The following KANSL1 variants were observed in gnomAD, a reference collection of about 807,000 sequenced individuals.
KANSL1 encodes MLL1/MLL complex subunit KANSL1.
Under a neutral mutation model 103.6 loss-of-function variants are expected in KANSL1, and 22 were observed. The ratio of observed to expected loss-of-function variants is 0.21; its 90% CI spans 0.15 to 0.30. KANSL1 has a LOEUF of 0.30. KANSL1 is among the 10% of genes least tolerant of loss of function. The probability of loss-of-function intolerance (pLI) is 1.00; values close to 1 mark genes in which losing one functional copy is unlikely to be tolerated. For missense variants in KANSL1, 1,337 were observed against 1,399.8 expected, an observed-to-expected ratio of 0.96 and a Z score of 0.72; for synonymous variants, 600 against 527.6, an observed-to-expected ratio of 1.14 and a Z score of -1.88.
In KANSL1 at chr17:46,171,499, A is replaced by G; in HGVS notation, c.645T>C (p.Leu215=). The G allele has an allele frequency of 6.2e-7, 1 of 1,614,094 alleles. No homozygotes were observed. The highest frequency in any genetic ancestry group is 8.5e-7 in the Non-Finnish European group (1 of 1,180,008). Reference sequence around the variant, plus strand: ...TATACAAAGTTGTGTGTTCTACATCAAGGCTTCTATGTGGAAGAGTGCAAT... The same window carrying G: ...TATACAAAGTTGTGTGTTCTACATCGAGGCTTCTATGTGGAAGAGTGCAAT... The part of the protein sequence containing the change: ...MTNCTLPHRS[L]DVEHTTLYSN... The change falls in exon 2 of 15, where the codon CTT becomes CTC. Residue 215 remains leucine (L), a synonymous_variant. Transcript: ENST00000432791.
chr17:46,141,444 C>G (rs2044416317), intron 2 of KANSL1, among the ~76,000 whole-genome samples: 1 of 152,204 alleles, frequency 6.6e-6, no homozygotes, highest in African/African-American at 2.4e-5. Context: ...ACTGGGGGAG[C>G]ATAGGGGCTG....
At chr17:46,191,617 A>G (rs181765682) in intron 1 of KANSL1, among the ~76,000 whole-genome samples, 11 of 152,392 alleles carry the variant, frequency 7.2e-5, no homozygotes, top group Admixed American at 4.6e-4. Flanking sequence ...CAAGGCAAAG[A>G]TTATGTAATT....
intron 2 of KANSL1, among the ~76,000 whole-genome samples, chr17:46,158,168 C>T (rs1270254182): frequency 6.6e-6 from 1 of 152,248 alleles, no homozygotes; most frequent in African/African-American, 2.4e-5. Flanking sequence ...GCAAAAAGCA[C>T]TAAGTACCTT....
At chr17:46,219,879 G>A (rs1478551562) in intron 1 of KANSL1, among the ~76,000 whole-genome samples, 13 of 152,280 alleles carry the variant, frequency 8.5e-5, no homozygotes, top group South Asian at 4.1e-4. Flanking sequence ...CGAGTTGGGC[G>A]GATCATGAGG....
chr17:46,143,551 T>C (rs1260530250), intron 2 of KANSL1, among the ~76,000 whole-genome samples: 2 of 151,024 alleles, frequency 1.3e-5, no homozygotes, highest in African/African-American at 4.9e-5. Flanking sequence ...ACGCCTGTAA[T>C]CCCAGCACTT....
chr17:46,116,071 TAA>T (rs764505858), intron 2 of KANSL1, among the ~76,000 whole-genome samples: 4 of 152,210 alleles, frequency 2.6e-5, no homozygotes, highest in Non-Finnish European at 5.9e-5. Flanking sequence ...AAGCCTCTTA[TAA>T]ATAAGTCAAC....
upstream of KANSL1, among the ~76,000 whole-genome samples, chr17:46,194,659 G>A (rs1443807093): frequency 6.6e-6 from 1 of 152,154 alleles, no homozygotes; most frequent in Non-Finnish European, 1.5e-5. Flanking sequence ...AGAAAAAATC[G>A]TTCAAATCAT....
At chr17:46,140,022 A>G (rs1277316005) in intron 2 of KANSL1, among the ~76,000 whole-genome samples, 1 of 152,224 alleles carries the variant, frequency 6.6e-6, no homozygotes, top group Non-Finnish European at 1.5e-5. Context: ...ATAAAATTTC[A>G]AAGTATTAAA....
chr17:46,046,526 G>C (rs2077510363), intron 7 of KANSL1, among the ~76,000 whole-genome samples: 1 of 38,038 alleles, frequency 2.6e-5, no homozygotes, highest in Non-Finnish European at 5.0e-5. Context: ...GTGAGACTCT[G>C]TCAAAAAAAA....
At chr17:46,138,358 C>T (rs974138771) in intron 2 of KANSL1, among the ~76,000 whole-genome samples, 2 of 152,194 alleles carry the variant, frequency 1.3e-5, no homozygotes, top group South Asian at 2.1e-4. Context: ...TTTTTCTTCT[C>T]ATTATTCCCT....
Position 46,031,473 on chromosome 17 carries a change from C to G in KANSL1, c.*3G>C, listed in dbSNP as rs372125138. The stretch of plus-strand genomic sequence containing the variant: ...TGAGTCTGTTTAGATGGCTGTCTCC[C>G]GCTCATCTGTGAGTCGGGCGCTGAG... On this transcript the variant is annotated 3_prime_UTR_variant, in exon 15 of 15. Transcript: ENST00000432791. 7 of 1,596,796 alleles carry G rather than the reference C, an allele frequency of 4.4e-6. No individual in the cohort carries two copies. In the South Asian group the frequency reaches 5.6e-5, roughly 13 times the overall value.
chr17:46,124,954 A>G (rs1327109802), intron 2 of KANSL1, among the ~76,000 whole-genome samples: 7 of 151,020 alleles, frequency 4.6e-5, no homozygotes, highest in African/African-American at 1.5e-4. Flanking sequence ...AAACAGCAAG[A>G]TAACTAGAAT....
chr17:46,067,437 A>T (rs1420540159), intron 5 of KANSL1, 112 bp downstream of exon 5: 2 of 725,714 alleles, frequency 2.8e-6, no homozygotes, highest in Non-Finnish European at 4.9e-6. Flanking sequence ...TTACTAAGTG[A>T]TAAGGCTTCC....
intron 1 of KANSL1, among the ~76,000 whole-genome samples, chr17:46,202,793 A>G (rs867970907): frequency 2.0e-5 from 3 of 152,282 alleles, no homozygotes; most frequent in South Asian, 2.1e-4. Context: ...ATAATATTCA[A>G]TATTTTCCAC....
chr17:46,148,744 G>A (rs2044880524), intron 2 of KANSL1, among the ~76,000 whole-genome samples: 1 of 151,746 alleles, frequency 6.6e-6, no homozygotes, highest in Non-Finnish European at 1.5e-5. Flanking sequence ...ACCATGCCTT[G>A]CTAATTTTTT....
intron 1 of KANSL1, among the ~76,000 whole-genome samples, chr17:46,213,516 G>T (rs2048235892): frequency 1.4e-5 from 2 of 144,478 alleles, no homozygotes; most frequent in Admixed American, 1.4e-4. Context: ...CACCATGTTA[G>T]CCAGGATGGT....
At chr17:46,157,250 A>G (rs2045481118) in intron 2 of KANSL1, among the ~76,000 whole-genome samples, 1 of 152,244 alleles carries the variant, frequency 6.6e-6, no homozygotes, top group Non-Finnish European at 1.5e-5. Context: ...ACTACTTATT[A>G]AAGGAACAAA....
At position 46,038,578 on chromosome 17, in the gene KANSL1, G is replaced by T; in HGVS notation, c.2501C>A (p.Ala834Glu). Residue 834 changes from alanine (A) to glutamate (E), a missense_variant, in exon 10 of 15, where the codon GCA (alanine) becomes GAA (glutamate). Ala to Glu is a moderately radical substitution (Grantham distance 107). This residue lies in a region of KANSL1 where 780 missense variants were observed against 923.4 expected (regional missense o/e 0.84). Coordinates refer to ENST00000432791, the MANE Select transcript of KANSL1 (RefSeq NM_015443.4). ...RQLSTSSDSP[A>E]PASSSSQVTA... ...AACCTGTGAGCTAGAGCTGGCGGGT[G>T]CAGGGGAATCTGAGGAGGTGGAGAG... The T allele has an allele frequency of 6.2e-7, 1 of 1,614,144 alleles. No homozygotes were observed. The highest frequency in any genetic ancestry group is 8.5e-7 in the Non-Finnish European group (1 of 1,180,028).
At chr17:46,181,434 T>TA (rs1317717193) in intron 1 of KANSL1, among the ~76,000 whole-genome samples, 1 of 136,954 alleles carries the variant, frequency 7.3e-6, no homozygotes, top group East Asian at 2.0e-4. Context: ...TTCCTCACAC[T>TA]TTTTTTTTTT....
Sources: gnomAD v4.1 joint callset for allele counts (sites outside exome capture counted in the v4.1 genomes callset) on GRCh38, gnomAD v4.1.1 for gene constraint, gnomAD v4.1.1 regional missense constraint, MANE v1.5 for transcripts, NCBI Gene and HGNC (gene_info 2026-07-23, HGNC 2026-07-21) for gene names.